Variants in CLVS1 observed in about 807,000 individuals in gnomAD.
CLVS1 encodes clavesin 1, also known as clavesin-1.
In CLVS1, 10 loss-of-function variants were observed where a neutral mutation model predicts 33.1. The ratio of observed to expected loss-of-function variants is 0.30; its 90% confidence interval spans 0.19 to 0.51. CLVS1 has a LOEUF of 0.51. Ranked by LOEUF, CLVS1 falls within the 20% of genes least tolerant of loss-of-function variation. The probability of loss-of-function intolerance (pLI) is 0.97; values close to 1 mark genes in which losing one functional copy is unlikely to be tolerated. For synonymous variants in CLVS1, 163 were observed against 166.1 expected, an observed-to-expected ratio of 0.98 and a Z score of 0.14; for missense variants, 343 against 433.4, an observed-to-expected ratio of 0.79 and a Z score of 1.85.
chr8:61,099,262 A>G (rs760940587), intron 1 of CLVS1, among the ~76,000 whole-genome samples: 3 of 152,146 alleles, frequency 2.0e-5, no homozygotes, highest in Admixed American at 2.0e-4. Flanking sequence ...GTGGGCATCC[A>G]AAAGGAGAGT....
intron 2 of CLVS1, among the ~76,000 whole-genome samples, chr8:61,363,599 T>C (rs1016043168): frequency 3.3e-5 from 5 of 152,216 alleles, no homozygotes; most frequent in Non-Finnish European, 7.3e-5. Context: ...CAAAATTAAC[T>C]CTCCAAACAC....
intron 3 of CLVS1, chr8:61,378,171 G>A (rs577560813): frequency 3.9e-5 from 6 of 152,302 alleles, no homozygotes; most frequent in Admixed American, 3.3e-4. Flanking sequence ...TGTACAAGCT[G>A]CATGTAATCT....
rs535431060 is a variant in CLVS1, at chr8:61,445,602, A to G, written c.631-8539A>G. The stretch of plus-strand genomic sequence containing the variant: ...GCTTGCAGAACCATCAGCCAAATAA[A>G]CCTCCTTTTTTTTATAATTTGTTTG... On this transcript the variant is annotated intron_variant, in intron 3 of 5. Coordinates refer to ENST00000325897, the MANE Select transcript of CLVS1 (RefSeq NM_173519.3). Among the ~76,000 whole-genome samples, 7 of 152,114 alleles carry G rather than the reference A, an allele frequency of 4.6e-5. No homozygotes were observed. In the South Asian group the frequency reaches 1.5e-3, roughly 32 times the overall value.
chr8:61,357,845 C>T (rs1389709963), intron 2 of CLVS1, among the ~76,000 whole-genome samples: 3 of 152,046 alleles, frequency 2.0e-5, no homozygotes, highest in Admixed American at 6.6e-5. Context: ...GTGTGAGCCA[C>T]CAAGCCTGGC....
chr8:61,161,540 G>A (rs1806751686), intron 2 of CLVS1, among the ~76,000 whole-genome samples: 1 of 152,270 alleles, frequency 6.6e-6, no homozygotes, highest in Non-Finnish European at 1.5e-5. Flanking sequence ...AGTAAAATGA[G>A]CCAGACATAG....
chr8:61,489,423 T>C (rs1402532672), intron 5 of CLVS1, among the ~76,000 whole-genome samples: 1 of 152,236 alleles, frequency 6.6e-6, no homozygotes, highest in African/African-American at 2.4e-5. Context: ...TGTGGAATCT[T>C]GCACATATTC....
At position 61,397,855 on chromosome 8, in the gene CLVS1, G is replaced by A. The variant is rs576636847; in HGVS notation, c.630+21076G>A. Among the ~76,000 whole-genome samples the A allele has an allele frequency of 5.9e-5, 9 of 152,220 alleles. No homozygotes were observed. In the South Asian group the frequency reaches 1.9e-3, roughly 32 times the overall value. ...CTGGTCCCTCAATTTTATCCCATCA[G>A]TCTATATGTCTGTTGTGTGTTAATA... is the stretch of plus-strand genomic sequence containing the variant. On this transcript the variant is annotated intron_variant, in intron 3 of 5. Coordinates refer to ENST00000325897, the MANE Select transcript of CLVS1 (RefSeq NM_173519.3).
At chr8:61,454,036 T>C in intron 3 of CLVS1, 105 bp from the exon 4 acceptor site, 1 of 782,316 alleles carries the variant, frequency 1.3e-6, no homozygotes, top group Non-Finnish European at 2.3e-6. Context: ...CTAGAGCTTC[T>C]ACCAGGCAGG....
intron 2 of CLVS1, among the ~76,000 whole-genome samples, chr8:61,213,730 A>C (rs1242426439): frequency 1.3e-5 from 2 of 152,124 alleles, no homozygotes; most frequent in African/African-American, 4.8e-5. Flanking sequence ...AATTGCACAA[A>C]TTGTAGAGCA....
chr8:61,037,778 G>T, the CLVS1 span, among the ~76,000 whole-genome samples: 1 of 152,210 alleles, frequency 6.6e-6, no homozygotes, highest in Admixed American at 6.5e-5. Flanking sequence ...AGCTGTCAGA[G>T]AACTTCAGTC....
intron 1 of CLVS1, among the ~76,000 whole-genome samples, chr8:61,067,028 G>A (rs7812720): frequency 6.6e-5 from 10 of 152,082 alleles, no homozygotes; most frequent in Non-Finnish European, 1.0e-4. Context: ...CCATAAATGG[G>A]GGGGGAGGGC....
the CLVS1 span, chr8:60,967,807 C>T: frequency 1.0e-5 from 4 of 393,058 alleles, no homozygotes; most frequent in Non-Finnish European, 2.0e-5. Flanking sequence ...GGGCTGCCTC[C>T]TAGCTTTGCC....
intron 2 of CLVS1, among the ~76,000 whole-genome samples, chr8:61,309,046 A>AG (rs1459859926): frequency 6.6e-6 from 1 of 152,238 alleles, no homozygotes; most frequent in Non-Finnish European, 1.5e-5. Flanking sequence ...CAAGAGGTAG[A>AG]GGGTGGCTCA....
chr8:61,475,026 T>C (rs1817867073), intron 5 of CLVS1, among the ~76,000 whole-genome samples: 2 of 152,206 alleles, frequency 1.3e-5, no homozygotes, highest in Admixed American at 1.3e-4. Flanking sequence ...AATTCCCACC[T>C]ATGAGTGAGA....
intron 2 of CLVS1, among the ~76,000 whole-genome samples, chr8:61,327,862 A>T (rs756550950): frequency 6.6e-6 from 1 of 152,288 alleles, no homozygotes; most frequent in East Asian, 1.9e-4. Context: ...TGGTTGATCA[A>T]TCTGTATGGA....
chr8:61,114,659 G>A (rs1805685483), intron 1 of CLVS1, among the ~76,000 whole-genome samples: 2 of 152,182 alleles, frequency 1.3e-5, no homozygotes, highest in African/African-American at 4.8e-5. Flanking sequence ...ATCATTGCAA[G>A]TGAAACAGGT....
intron 2 of CLVS1, among the ~76,000 whole-genome samples, chr8:61,147,004 G>C (rs779915025): frequency 6.6e-6 from 1 of 152,184 alleles, no homozygotes. Context: ...TGCAAGTGAG[G>C]TGACTCTCCT....
chr8:61,199,707 G>T (rs976261450), intron 2 of CLVS1, among the ~76,000 whole-genome samples: 1 of 152,170 alleles, frequency 6.6e-6, no homozygotes, highest in Non-Finnish European at 1.5e-5. Flanking sequence ...GTTTTGTGTT[G>T]TTTTGCTTTG....
At position 61,119,868 on chromosome 8, in the gene CLVS1, G is replaced by A. The variant is rs1340480856; in HGVS notation, c.-242-11902G>A. Among the ~76,000 whole-genome samples the A allele has an allele frequency of 4.2e-4, 55 of 131,316 alleles. 3 individuals carry two copies. The highest frequency in any genetic ancestry group is 2.7e-3 in the East Asian group (12 of 4,480). 86.1% of individuals were successfully genotyped at this position (131,316 alleles called of 152,430 possible). On this transcript the variant is annotated intron_variant, in intron 1 of 2. Transcript: ENST00000522621. ...TATGTGTCTTGGAGTTGCTCTTCTCGAGGAGTATCTTTGTGGCGTTCTCTG... is the reference window on the plus strand; with the variant it reads ...TATGTGTCTTGGAGTTGCTCTTCTCAAGGAGTATCTTTGTGGCGTTCTCTG...
Sources: allele counts gnomAD v4.1 joint callset (sites outside exome capture counted in the v4.1 genomes callset), GRCh38; gene constraint gnomAD v4.1.1; transcripts MANE v1.5; gene names NCBI Gene and HGNC (gene_info 2026-07-23, HGNC 2026-07-21).